MAGI2: variants seen among roughly 807,000 people sequenced by gnomAD.
The protein encoded by MAGI2 is membrane associated guanylate kinase, WW and PDZ domain containing 2.
In MAGI2, 35 loss-of-function variants were observed where a neutral mutation model predicts 133.3. The ratio of observed to expected loss-of-function variants is 0.26; its 90% CI spans 0.20 to 0.35. MAGI2 has a LOEUF of 0.35. Ranked by LOEUF, MAGI2 falls within the 10% of genes least tolerant of loss-of-function variation. MAGI2 has a pLI of 1.00. For missense variants in MAGI2, 1,636 were observed against 1,863.4 expected (o/e 0.88, Z 2.25); for synonymous variants, 729 against 710.6 (o/e 1.03, Z -0.41).
At chr7:78,088,750 T>A (rs1042326285) in intron 20 of MAGI2, among the ~76,000 whole-genome samples, 1 of 152,130 alleles carries the variant, frequency 6.6e-6, no homozygotes, top group African/African-American at 2.4e-5. Flanking sequence ...CCCCAACCTC[T>A]CTGTGGCAGA....
At chr7:79,282,919 T>C (rs1835760904) in intron 1 of MAGI2, among the ~76,000 whole-genome samples, 2 of 151,810 alleles carry the variant, frequency 1.3e-5, no homozygotes, top group South Asian at 4.2e-4. Context: ...ACTTTACAAA[T>C]GTAGATCTAA....
At chr7:78,209,306 G>T (rs1476860581) in intron 10 of MAGI2, among the ~76,000 whole-genome samples, 1 of 138,724 alleles carries the variant, frequency 7.2e-6, no homozygotes, top group African/African-American at 2.6e-5. Flanking sequence ...CTGTTGCCCA[G>T]GCTGGAGAGC....
At chr7:78,823,125 T>A (rs1164328795) in intron 2 of MAGI2, among the ~76,000 whole-genome samples, 1 of 152,174 alleles carries the variant, frequency 6.6e-6, no homozygotes, top group Non-Finnish European at 1.5e-5. Context: ...AAGGTAATTT[T>A]AAAAGGTTGT....
chr7:78,778,588 C>T (rs1826159893), intron 2 of MAGI2, among the ~76,000 whole-genome samples: 1 of 152,080 alleles, frequency 6.6e-6, no homozygotes, highest in Non-Finnish European at 1.5e-5. Flanking sequence ...AGCATATTCC[C>T]CATAAAGTCC....
intron 4 of MAGI2, among the ~76,000 whole-genome samples, chr7:78,506,826 T>C (rs1452767515): frequency 6.6e-6 from 1 of 152,238 alleles, no homozygotes; most frequent in Non-Finnish European, 1.5e-5. Context: ...ATTATCCTAA[T>C]AGAGAAGTCA....
chr7:78,497,619 G>T (rs1225113270), intron 5 of MAGI2, among the ~76,000 whole-genome samples: 1 of 152,074 alleles, frequency 6.6e-6, no homozygotes, highest in Non-Finnish European at 1.5e-5. Flanking sequence ...AAATGGAATT[G>T]CTTGTTACCT....
intron 1 of MAGI2, 155 bp downstream of exon 1, chr7:79,452,865 C>G: frequency 1.3e-6 from 1 of 772,006 alleles, no homozygotes; most frequent in Non-Finnish European, 2.0e-6. Flanking sequence ...AAGTCGAATC[C>G]CCGGCGAAAC....
chr7:78,996,425 C>T (rs1167724811), intron 2 of MAGI2, among the ~76,000 whole-genome samples: 1 of 152,096 alleles, frequency 6.6e-6, no homozygotes, highest in Non-Finnish European at 1.5e-5. Flanking sequence ...GCAAATACCA[C>T]GTGTTCTCAC....
intron 3 of MAGI2, among the ~76,000 whole-genome samples, chr7:78,573,120 T>G (rs1381948817): frequency 2.9e-5 from 3 of 104,514 alleles, no homozygotes; most frequent in African/African-American, 7.3e-5. Context: ...TGGAGAGAGA[T>G]ATATATATAC....
rs762405456 is a variant in MAGI2, at chr7:78,057,999, A to ATGTGTGTGTGTGTGTGTGTGTG, written c.3706+20947_3706+20948insCACACACACACACACACACACA. 9.2e-4 allele frequency among the ~76,000 whole-genome samples: 100 copies of ATGTGTGTGTGTGTGTGTGTGTG among 108,580 alleles called. 1 individual carries two copies. Among genetic ancestry groups the ATGTGTGTGTGTGTGTGTGTGTG allele is most frequent in the East Asian group, 2.4e-3 (10 of 4,194 alleles). 71.2% of individuals were successfully genotyped at this position (108,580 alleles called of 152,430 possible). On this transcript the variant is annotated intron_variant, in intron 21 of 21. Transcript: ENST00000354212. ...TGTGTATATATATATATATATATATATATATGTATGAGAAACATCTTGAAT... is the reference window on the plus strand; with the variant it reads ...TGTGTATATATATATATATATATATATGTGTGTGTGTGTGTGTGTGTGTATATGTATGAGAAACATCTTGAAT...
intron 3 of MAGI2, among the ~76,000 whole-genome samples, chr7:78,560,566 A>G (rs573382832): frequency 1.3e-5 from 2 of 152,352 alleles, no homozygotes; most frequent in African/African-American, 4.8e-5. Flanking sequence ...ATTATGTTTA[A>G]AAACATGCAA....
chr7:79,425,339 G>C (rs10262779), intron 1 of MAGI2, among the ~76,000 whole-genome samples: 1 of 151,226 alleles, frequency 6.6e-6, no homozygotes, highest in East Asian at 1.9e-4. Context: ...CTCAGCCATT[G>C]GGATTAAGAT....
chr7:78,999,966 T>C (rs1397076914), intron 2 of MAGI2, among the ~76,000 whole-genome samples: 1 of 152,172 alleles, frequency 6.6e-6, no homozygotes, highest in Non-Finnish European at 1.5e-5. Context: ...CTTTACACTC[T>C]AAAAGGAATT....
intron 3 of MAGI2, among the ~76,000 whole-genome samples, chr7:78,562,156 G>A (rs772014457): frequency 1.3e-5 from 2 of 152,144 alleles, no homozygotes; most frequent in Admixed American, 1.3e-4. Flanking sequence ...AGAATTACAT[G>A]TACACATTCT....
At chr7:78,043,806 C>T (rs1811109151) in intron 21 of MAGI2, among the ~76,000 whole-genome samples, 1 of 152,146 alleles carries the variant, frequency 6.6e-6, no homozygotes, top group South Asian at 2.1e-4. Context: ...AATTATAAAC[C>T]TTAAGAGGTG....
At chr7:78,864,138 C>T (rs1299813023) in intron 2 of MAGI2, among the ~76,000 whole-genome samples, 2 of 152,126 alleles carry the variant, frequency 1.3e-5, no homozygotes, top group Admixed American at 6.5e-5. Flanking sequence ...TATGATATTG[C>T]CAACTAAAAA....
chr7:78,241,308 G>T (rs749880404), intron 10 of MAGI2, among the ~76,000 whole-genome samples: 4 of 152,098 alleles, frequency 2.6e-5, no homozygotes, highest in Non-Finnish European at 5.9e-5. Context: ...ACTTCTAAAT[G>T]GTGTGACAAT....
At chr7:78,770,521 CA>C (rs1825477254) in intron 2 of MAGI2, among the ~76,000 whole-genome samples, 1 of 152,246 alleles carries the variant, frequency 6.6e-6, no homozygotes, top group African/African-American at 2.4e-5. Flanking sequence ...ATAACCTAAT[CA>C]TGCATTTGCA....
intron 1 of MAGI2, among the ~76,000 whole-genome samples, chr7:79,062,707 G>T (rs141767989): frequency 4.6e-5 from 7 of 152,092 alleles, no homozygotes; most frequent in Non-Finnish European, 1.0e-4. Context: ...GTGCATCCAT[G>T]CACCTCCATG....
Sources: allele counts gnomAD v4.1 joint callset (sites outside exome capture counted in the v4.1 genomes callset), GRCh38; gene constraint gnomAD v4.1.1; transcripts MANE v1.5; gene names NCBI Gene and HGNC (gene_info 2026-07-23, HGNC 2026-07-21).